The following PLCXD3 variants were observed in gnomAD, a reference collection of about 807,000 sequenced individuals.
PLCXD3 encodes PI-PLC X domain-containing protein 3.
In PLCXD3, 19 loss-of-function variants were observed where a neutral mutation model predicts 25.5. The ratio of observed to expected loss-of-function variants is 0.75; its 90% CI spans 0.52 to 1.09. The LOEUF is 1.09. PLCXD3 is among the 50% of genes least tolerant of loss of function. The pLI is 0.00. For missense variants in PLCXD3, 411 were observed against 388.1 expected, an observed-to-expected ratio of 1.06 and a Z score of -0.50; for synonymous variants, 174 against 137.6, an observed-to-expected ratio of 1.26 and a Z score of -1.85.
chr5:41,381,696 GTGGTA>G, intron 2 of PLCXD3, 125 bp downstream of exon 2: 1 of 740,746 alleles, frequency 1.3e-6, no homozygotes, highest in Non-Finnish European at 2.2e-6. Flanking sequence ...AACCCAATTA[GTGGTA>G]CTTTGCTATT....
At chr5:41,322,416 G>A (rs1373816484) in intron 2 of PLCXD3, among the ~76,000 whole-genome samples, 2 of 152,174 alleles carry the variant, frequency 1.3e-5, no homozygotes, top group Non-Finnish European at 2.9e-5. Context: ...AACAAATGCT[G>A]GAGGGGACAT....
chr5:41,407,847 C>T (rs747869997), intron 1 of PLCXD3, among the ~76,000 whole-genome samples: 7 of 152,296 alleles, frequency 4.6e-5, no homozygotes, highest in South Asian at 4.1e-4. Context: ...AAATCTGTAT[C>T]TTTCATATTG....
At chr5:41,356,002 T>TA (rs201128928) in intron 2 of PLCXD3, among the ~76,000 whole-genome samples, 19 of 152,168 alleles carry the variant, frequency 1.2e-4, no homozygotes, top group East Asian at 5.8e-4. Flanking sequence ...ATAACTTCTC[T>TA]AAAAAAAACC....
intron 2 of PLCXD3, among the ~76,000 whole-genome samples, chr5:41,343,178 C>T (rs958022419): frequency 2.0e-5 from 3 of 152,124 alleles, no homozygotes; most frequent in Non-Finnish European, 4.4e-5. Flanking sequence ...TGTTCTGGCT[C>T]CTTACCCATT....
At chr5:41,380,081 C>T (rs1279974991) in intron 2 of PLCXD3, among the ~76,000 whole-genome samples, 1 of 151,928 alleles carries the variant, frequency 6.6e-6, no homozygotes, top group Non-Finnish European at 1.5e-5. Flanking sequence ...GAAATGCCAA[C>T]AACCCCCAAA....
chr5:41,413,868 A>G (rs986121157), intron 1 of PLCXD3, among the ~76,000 whole-genome samples: 1 of 152,170 alleles, frequency 6.6e-6, no homozygotes, highest in Admixed American at 6.5e-5. Flanking sequence ...TCAAATATTT[A>G]TTTTTTAAAA....
chr5:41,490,402 T>C (rs896295543), intron 1 of PLCXD3, among the ~76,000 whole-genome samples: 233 of 152,272 alleles, frequency 1.5e-3, no homozygotes, highest in South Asian at 8.5e-3. Flanking sequence ...TTCTCTTTTT[T>C]GGTTGTGTCT....
intron 1 of PLCXD3, among the ~76,000 whole-genome samples, chr5:41,466,008 CAAAGAG>C (rs1213176414): frequency 6.6e-6 from 1 of 151,992 alleles, no homozygotes; most frequent in Non-Finnish European, 1.5e-5. Flanking sequence ...TTTGCAAACA[CAAAGAG>C]AAACACATTT....
At chr5:41,436,991 C>T (rs1747269793) in intron 1 of PLCXD3, among the ~76,000 whole-genome samples, 1 of 152,196 alleles carries the variant, frequency 6.6e-6, no homozygotes, top group Non-Finnish European at 1.5e-5. Flanking sequence ...CTGAACAAGA[C>T]TGTCACAGAA....
In PLCXD3 at chr5:41,487,800, A is replaced by C. The variant is rs145311582; in HGVS notation, c.103+22624T>G. 3.6e-3 allele frequency among the ~76,000 whole-genome samples: 544 copies of C among 152,238 alleles called. 2 individuals carry two copies. Among genetic ancestry groups the C allele is most frequent in the Non-Finnish European group, 4.9e-3 (336 of 67,990 alleles). ...CTGGAGGGTATGAGGGCAAGAAAGA[A>C]TGGATTGGATTAGTGAGAAAGGAAA... On this transcript the variant is annotated intron_variant, in intron 1 of 2. Coordinates refer to ENST00000377801, the MANE Select transcript of PLCXD3 (RefSeq NM_001005473.3).
chr5:41,457,573 T>C lies in PLCXD3; in HGVS notation c.103+52851A>G, dbSNP rs147309311. Among the ~76,000 whole-genome samples the C allele has an allele frequency of 1.8e-3, 276 of 152,004 alleles. 2 individuals carry two copies. Among genetic ancestry groups the C allele is most frequent in the African/African-American group, 6.4e-3 (267 of 41,516 alleles). ...CCTGTGACCAGCGCCTCAGATACAA[T>C]ACTGGGAGGACATCTGTACTTAAGC... On this transcript the variant is annotated intron_variant, in intron 1 of 2. Transcript: ENST00000377801.
In PLCXD3 at chr5:41,307,216, CA is replaced by C. The variant is rs1188677352; in HGVS notation, c.*6400del. On this transcript the variant is annotated 3_prime_UTR_variant, in exon 3 of 3. Transcript: ENST00000377801. ...AAATTCCCATCCTCCAGAAATGAAGCAAATCAACACAAATGTGTGTAAGCAG... is the reference window on the plus strand; with the variant it reads ...AAATTCCCATCCTCCAGAAATGAAGCAATCAACACAAATGTGTGTAAGCAG... 6.6e-6 allele frequency: 1 copy of C among 152,472 alleles called. No homozygotes were observed. Among genetic ancestry groups the C allele is most frequent in the African/African-American group, 2.4e-5 (1 of 41,406 alleles). The allele number at this position is 152,472 out of a possible 1,614,324, so 9.4% of individuals were successfully genotyped here. A position where few individuals can be genotyped will look rare whatever the true frequency, so the allele number is the denominator to read the frequency against.
intron 1 of PLCXD3, among the ~76,000 whole-genome samples, chr5:41,435,463 T>A (rs952827860): frequency 3.9e-5 from 6 of 152,186 alleles, no homozygotes; most frequent in African/African-American, 1.4e-4. Context: ...ACCACCCACA[T>A]GGACACTGGC....
intron 2 of PLCXD3, among the ~76,000 whole-genome samples, chr5:41,344,791 C>T (rs1324726826): frequency 6.6e-6 from 1 of 152,062 alleles, no homozygotes; most frequent in Non-Finnish European, 1.5e-5. Context: ...TTCTCTTTTA[C>T]TTCATATAAT....
chr5:41,384,580 G>T (rs1580340662), intron 1 of PLCXD3, among the ~76,000 whole-genome samples: 2 of 151,862 alleles, frequency 1.3e-5, no homozygotes, highest in African/African-American at 4.8e-5. Flanking sequence ...AGGCAAAAAG[G>T]GAATTAAGTA....
intron 1 of PLCXD3, among the ~76,000 whole-genome samples, chr5:41,472,894 A>G (rs1050324587): frequency 6.6e-6 from 1 of 152,234 alleles, no homozygotes; most frequent in African/African-American, 2.4e-5. Flanking sequence ...TCATATAAGG[A>G]ACAATTTTTT....
At chr5:41,497,437 G>C (rs1338904392) in intron 1 of PLCXD3, among the ~76,000 whole-genome samples, 1 of 151,650 alleles carries the variant, frequency 6.6e-6, no homozygotes, top group Non-Finnish European at 1.5e-5. Flanking sequence ...AGACAAAGAA[G>C]GGCATTATAT....
intron 1 of PLCXD3, among the ~76,000 whole-genome samples, chr5:41,393,747 G>A (rs536230969): frequency 8.6e-5 from 13 of 151,788 alleles, no homozygotes; most frequent in Admixed American, 1.3e-4. Flanking sequence ...GTGAAACCCC[G>A]TCTCTACTAA....
chr5:41,367,446 G>T (rs1242477409), intron 2 of PLCXD3, among the ~76,000 whole-genome samples: 1 of 152,068 alleles, frequency 6.6e-6, no homozygotes, highest in Non-Finnish European at 1.5e-5. Flanking sequence ...CTTCTTTTGA[G>T]AAGTGTCTGT....
Sources: gnomAD v4.1 joint callset for allele counts (sites outside exome capture counted in the v4.1 genomes callset) on GRCh38, gnomAD v4.1.1 for gene constraint, MANE v1.5 for transcripts, NCBI Gene and HGNC (gene_info 2026-07-23, HGNC 2026-07-21) for gene names.